Variants in CNBD1 observed in about 807,000 individuals in gnomAD.
CNBD1 encodes cyclic nucleotide-binding domain-containing protein 1.
In CNBD1, 71 loss-of-function variants were observed where a neutral mutation model predicts 54.4. That is an observed-to-expected ratio of 1.30 (90% CI 1.08 to 1.59). The LOEUF (loss-of-function observed/expected upper bound fraction) is 1.59. Ranked by LOEUF, CNBD1 falls within the 40% of genes most tolerant of loss-of-function variation. CNBD1 has a pLI of 0.00. For synonymous variants in CNBD1, 182 were observed against 170.7 expected (o/e 1.07, Z -0.51); for missense variants, 659 against 518.0 (o/e 1.27, Z -2.64).
At chr8:87,040,423 CTTTTTTT>C (rs71277911) in intron 4 of CNBD1, among the ~76,000 whole-genome samples, 3 of 129,390 alleles carry the variant, frequency 2.3e-5, no homozygotes, top group African/African-American at 8.7e-5. Context: ...AATTCTTTTT[CTTTTTTT>C]TTTTTTTTTT....
intron 4 of CNBD1, among the ~76,000 whole-genome samples, chr8:87,122,930 C>G (rs1270851766): frequency 1.3e-5 from 2 of 151,700 alleles, no homozygotes; most frequent in Non-Finnish European, 3.0e-5. Flanking sequence ...CTGTGTTATG[C>G]TGTTTTGATT....
chr8:87,155,829 A>G (rs894857617), intron 4 of CNBD1, among the ~76,000 whole-genome samples: 2 of 152,178 alleles, frequency 1.3e-5, no homozygotes, highest in Non-Finnish European at 2.9e-5. Flanking sequence ...GGTGTGTGGA[A>G]CAAGAATACT....
intron 10 of CNBD1, among the ~76,000 whole-genome samples, chr8:87,358,432 A>ATTTTTTCTTTTCCTATATAATAATATG (rs1563568204): frequency 6.6e-6 from 1 of 152,094 alleles, no homozygotes; most frequent in Non-Finnish European, 1.5e-5. Flanking sequence ...CTCACTTAAT[A>ATTTTTTCTTTTCCTATATAATAATATG]TTTTTTCTTT....
intron 5 of CNBD1, among the ~76,000 whole-genome samples, chr8:87,229,545 A>G (rs1489704526): frequency 6.6e-6 from 1 of 152,116 alleles, no homozygotes; most frequent in Non-Finnish European, 1.5e-5. Flanking sequence ...TAGTATTTTA[A>G]TAATTTGTCT....
intron 8 of CNBD1, among the ~76,000 whole-genome samples, chr8:87,329,095 T>C (rs989184914): frequency 6.6e-6 from 1 of 152,108 alleles, no homozygotes; most frequent in Non-Finnish European, 1.5e-5. Context: ...GAGTTAATTT[T>C]TGTGAAAAGT....
At chr8:87,254,774 A>G (rs1563525399) in intron 6 of CNBD1, among the ~76,000 whole-genome samples, 2 of 152,164 alleles carry the variant, frequency 1.3e-5, no homozygotes, top group Non-Finnish European at 2.9e-5. Context: ...TGGACCTTTT[A>G]AAACTATTTT....
chr8:87,317,650 G>C (rs1035258594), intron 8 of CNBD1, among the ~76,000 whole-genome samples: 10 of 151,792 alleles, frequency 6.6e-5, no homozygotes, highest in Non-Finnish European at 1.3e-4. Flanking sequence ...ATTTAGACTT[G>C]TGTTATGGCT....
At chr8:86,975,576 G>A (rs1308744119) in intron 4 of CNBD1, among the ~76,000 whole-genome samples, 1 of 151,796 alleles carries the variant, frequency 6.6e-6, no homozygotes, top group Non-Finnish European at 1.5e-5. Flanking sequence ...TTTTTTTAAG[G>A]CATAATAGTG....
At chr8:86,923,781 C>T (rs1280741067) in intron 3 of CNBD1, among the ~76,000 whole-genome samples, 2 of 152,108 alleles carry the variant, frequency 1.3e-5, no homozygotes, top group Admixed American at 6.6e-5. Context: ...GGATTCATTT[C>T]TGGGTAAACA....
intron 3 of CNBD1, among the ~76,000 whole-genome samples, chr8:86,920,540 A>G (rs1454587770): frequency 6.6e-6 from 1 of 152,190 alleles, no homozygotes; most frequent in Non-Finnish European, 1.5e-5. Context: ...GGCAATGTGC[A>G]TATTGTATGC....
At chr8:87,074,526 T>C (rs1242229070) in intron 4 of CNBD1, among the ~76,000 whole-genome samples, 2 of 152,146 alleles carry the variant, frequency 1.3e-5, no homozygotes, top group Non-Finnish European at 2.9e-5. Context: ...CTGCTGAGAC[T>C]CCACACAGCA....
In CNBD1 at chr8:87,042,685, T is replaced by C. The variant is rs868612036; in HGVS notation, c.431+102931T>C. Among the ~76,000 whole-genome samples, 20 of 152,220 alleles carry C rather than the reference T, an allele frequency of 1.3e-4. No homozygotes were observed. In the South Asian group the frequency reaches 2.5e-3, roughly 19 times the overall value. On this transcript the variant is annotated intron_variant, in intron 4 of 10. Coordinates refer to ENST00000518476, the MANE Select transcript of CNBD1 (RefSeq NM_173538.3). ...ACAGAGTGTGTTATATTCATCTGTT[T>C]TCAGAGCAAAAAGTTGGAAGTAGAT...
At chr8:87,043,181 T>C (rs1381474519) in intron 4 of CNBD1, among the ~76,000 whole-genome samples, 2 of 152,144 alleles carry the variant, frequency 1.3e-5, no homozygotes, top group Non-Finnish European at 2.9e-5. Context: ...GTTGTGCCAA[T>C]GGAATGAGGT....
At chr8:87,112,264 G>A (rs546313935) in intron 4 of CNBD1, among the ~76,000 whole-genome samples, 4 of 152,214 alleles carry the variant, frequency 2.6e-5, no homozygotes, top group East Asian at 1.9e-4. Context: ...TTGCCAGGGC[G>A]TTCAATTTTG....
At chr8:87,164,679 T>C (rs1355284198) in intron 4 of CNBD1, among the ~76,000 whole-genome samples, 1 of 151,712 alleles carries the variant, frequency 6.6e-6, no homozygotes, top group African/African-American at 2.4e-5. Context: ...ATCTTCTTTT[T>C]CTTTAGTCCA....
At chr8:87,153,614 AC>A (rs1812651885) in intron 4 of CNBD1, among the ~76,000 whole-genome samples, 1 of 152,308 alleles carries the variant, frequency 6.6e-6, no homozygotes, top group Admixed American at 6.5e-5. Flanking sequence ...TTTCAAATAG[AC>A]CAATACTTAA....
chr8:87,324,445 G>T (rs940706864), intron 8 of CNBD1, among the ~76,000 whole-genome samples: 1 of 145,576 alleles, frequency 6.9e-6, no homozygotes. Context: ...GGCTCTTTTT[G>T]GTTGGTAAAC....
At chr8:87,336,677 C>A (rs980529023) in intron 8 of CNBD1, among the ~76,000 whole-genome samples, 1 of 152,162 alleles carries the variant, frequency 6.6e-6, no homozygotes, top group Non-Finnish European at 1.5e-5. Context: ...TTATTACCCA[C>A]CTTCTGAAGC....
At chr8:86,935,272 G>A (rs913895617) in intron 3 of CNBD1, among the ~76,000 whole-genome samples, 24 of 151,896 alleles carry the variant, frequency 1.6e-4, no homozygotes, top group South Asian at 4.2e-4. Flanking sequence ...TCCTGACCTC[G>A]TAATCCACCT....
Sources: allele counts gnomAD v4.1 joint callset (sites outside exome capture counted in the v4.1 genomes callset), GRCh38; gene constraint gnomAD v4.1.1; transcripts MANE v1.5; gene names NCBI Gene and HGNC (gene_info 2026-07-23, HGNC 2026-07-21).